SPATA31G1: variants seen among roughly 807,000 people sequenced by gnomAD.
The protein encoded by SPATA31G1 is SPATA31 subfamily G member 1.
At chr9:35,045,719 C>T in the SPATA31G1 span, 1 of 1,614,224 alleles carries the variant, frequency 6.2e-7, no homozygotes, top group Non-Finnish European at 8.5e-7. Flanking sequence ...ACATCCTGAC[C>T]CCTCGCCACT....
the SPATA31G1 span, chr9:35,045,400 C>CT: frequency 6.2e-7 from 1 of 1,614,130 alleles, no homozygotes; most frequent in Non-Finnish European, 8.5e-7. Flanking sequence ...CCCTCAAACT[C>CT]TAAGGTTCTG....
the SPATA31G1 span, chr9:35,044,581 C>G: frequency 1.9e-6 from 3 of 1,614,166 alleles, no homozygotes; most frequent in South Asian, 3.3e-5. Flanking sequence ...TCCTCAAACT[C>G]TGTTTCAAAG....
At chr9:35,042,589 G>C in the SPATA31G1 span, 2 of 1,515,252 alleles carry the variant, frequency 1.3e-6, no homozygotes. Context: ...AGCCCTAGAT[G>C]TGAGGCTGGG....
chr9:35,043,134 A>G, the SPATA31G1 span: 1 of 1,614,166 alleles, frequency 6.2e-7, no homozygotes, highest in African/African-American at 1.3e-5. Context: ...ATCCTTCCCC[A>G]TCTTCCAGAT....
chr9:35,044,540 T>G, the SPATA31G1 span: 1 of 1,614,062 alleles, frequency 6.2e-7, no homozygotes, highest in Non-Finnish European at 8.5e-7. Context: ...AAAACTGTGT[T>G]CCTGTGTTCC....
At chr9:35,044,409 A>C in the SPATA31G1 span, 1 of 1,614,016 alleles carries the variant, frequency 6.2e-7, no homozygotes, top group Non-Finnish European at 8.5e-7. Flanking sequence ...CATACAAAAG[A>C]CAAAAAACTC....
the SPATA31G1 span, chr9:35,045,232 C>A: frequency 6.2e-7 from 1 of 1,614,148 alleles, no homozygotes; most frequent in Non-Finnish European, 8.5e-7. Flanking sequence ...CACTTCCAAT[C>A]CTCTTCCCAG....
chr9:35,042,373 G>A, the SPATA31G1 span: 1 of 1,614,274 alleles, frequency 6.2e-7, no homozygotes, highest in Non-Finnish European at 8.5e-7. Context: ...CAGAGTCCAG[G>A]AAATCTGGTG....
chr9:35,043,095 A>C, the SPATA31G1 span: 1 of 1,614,172 alleles, frequency 6.2e-7, no homozygotes, highest in South Asian at 1.1e-5. Flanking sequence ...ACCAGAGCAA[A>C]CAGTCATGCA....
chr9:35,045,761 G>A, the SPATA31G1 span: 2 of 1,614,216 alleles, frequency 1.2e-6, no homozygotes, highest in Non-Finnish European at 1.7e-6. Flanking sequence ...ACATGGAGAA[G>A]TATCTCTCCT....
At chr9:35,045,233 C>G in the SPATA31G1 span, 1 of 1,614,156 alleles carries the variant, frequency 6.2e-7, no homozygotes, top group Non-Finnish European at 8.5e-7. Flanking sequence ...ACTTCCAATC[C>G]TCTTCCCAGC....
the SPATA31G1 span, chr9:35,042,836 G>A: frequency 1.2e-6 from 2 of 1,600,976 alleles, no homozygotes; most frequent in African/African-American, 1.3e-5. Context: ...CTTCATGCCT[G>A]AGAATATCTT....
At chr9:35,042,582 C>T in the SPATA31G1 span, 1 of 1,565,016 alleles carries the variant, frequency 6.4e-7, no homozygotes, top group South Asian at 1.2e-5. Flanking sequence ...GACTATAAGC[C>T]CTAGATGTGA....
At chr9:35,043,284 C>G in the SPATA31G1 span, 8 of 1,614,088 alleles carry the variant, frequency 5.0e-6, no homozygotes, top group Non-Finnish European at 6.8e-6. Context: ...TGGCCCCTCT[C>G]CTCTGAAGTG....
the SPATA31G1 span, chr9:35,042,785 A>C: frequency 6.5e-7 from 1 of 1,541,640 alleles, no homozygotes. Flanking sequence ...GATATGGAGC[A>C]GACTGAGTGC....
chr9:35,044,339 G>A, the SPATA31G1 span: 102 of 1,613,972 alleles, frequency 6.3e-5, 1 homozygote, highest in Admixed American at 1.7e-4. Flanking sequence ...CTCTTGCACC[G>A]GAGCTGCTCA....
the SPATA31G1 span, chr9:35,043,450 C>T: frequency 2.2e-5 from 36 of 1,614,170 alleles, no homozygotes; most frequent in African/African-American, 4.4e-4. Flanking sequence ...CAGCTGCTTC[C>T]ACCTCCATCT....
At chr9:35,043,992 G>T in the SPATA31G1 span, 3 of 1,612,902 alleles carry the variant, frequency 1.9e-6, no homozygotes, top group Non-Finnish European at 1.7e-6. Flanking sequence ...ACCATGGAAG[G>T]GCATGCAAAG....
the SPATA31G1 span, chr9:35,042,555 T>C: frequency 5.0e-6 from 8 of 1,606,738 alleles, no homozygotes; most frequent in South Asian, 7.8e-5. Flanking sequence ...TTGGTATGAA[T>C]GTGGGCCCAG....
Sources: allele counts gnomAD v4.1 joint callset, GRCh38; gene constraint gnomAD v4.1.1; transcripts MANE v1.5; gene names NCBI Gene and HGNC (gene_info 2026-07-23, HGNC 2026-07-21).